NHSL2: variants seen among roughly 807,000 people sequenced by gnomAD.
NHSL2 encodes the protein NHS like 2, also known as NHS-like protein 2.
NHSL2 carries 27 observed loss-of-function variants against 53.4 expected under a neutral mutation model. The ratio of observed to expected loss-of-function variants is 0.51; its 90% CI spans 0.37 to 0.70. NHSL2 has a LOEUF of 0.70. Ranked by LOEUF, NHSL2 falls within the 30% of genes least tolerant of loss-of-function variation. NHSL2 has a pLI of 0.00. For missense variants in NHSL2, 892 were observed against 980.1 expected, an observed-to-expected ratio of 0.91 and a Z score of 1.20; for synonymous variants, 408 against 404.1, an observed-to-expected ratio of 1.01 and a Z score of -0.12.
chrX:71,963,314 T>G (rs1037634211), intron 1 of NHSL2, among the ~76,000 whole-genome samples: 3 of 110,630 alleles, frequency 2.7e-5, no homozygotes, highest in Non-Finnish European at 3.8e-5. Context: ...AAAATCAAAG[T>G]GCTATGATAG....
intron 4 of NHSL2, among the ~76,000 whole-genome samples, chrX:72,135,092 G>A (rs1236074586): frequency 8.9e-6 from 1 of 112,014 alleles, no homozygotes; most frequent in Non-Finnish European, 1.9e-5. Context: ...ACTGATAAGA[G>A]TCGGAGCAGG....
At chrX:72,051,071 G>A (rs2042337911) in intron 1 of NHSL2, among the ~76,000 whole-genome samples, 1 of 111,506 alleles carries the variant, frequency 9.0e-6, no homozygotes, top group Non-Finnish European at 1.9e-5. Context: ...TTTAAAATTT[G>A]TCATAAGTGC....
Position 72,139,850 on chromosome X carries a change from C to T in NHSL2, c.2302C>T (p.Arg768Trp), listed in dbSNP as rs781347828. ...TSPMEKFPKS[R>W]LSFDLPLTSS... ...ACCAATGGAGAAATTTCCCAAGTCA[C>T]GGCTATCATTTGACCTACCACTGAC... The change falls in exon 6 of 8, where the codon CGG becomes TGG. Residue 768 changes from arginine to tryptophan, a missense_variant. Transcript: ENST00000633930. The T allele has an allele frequency of 7.0e-5, 85 of 1,208,310 alleles. 1 individual carries two copies. The South Asian group carries it at 1.4e-3, about 20-fold the overall frequency.
intron 1 of NHSL2, among the ~76,000 whole-genome samples, chrX:71,939,909 A>C (rs1003080831): frequency 8.9e-6 from 1 of 112,053 alleles, no homozygotes; most frequent in Non-Finnish European, 1.9e-5. Flanking sequence ...TCTGTGGGAC[A>C]CTCAAGTGCA....
intron 1 of NHSL2, among the ~76,000 whole-genome samples, chrX:71,993,948 G>A (rs1384191711): frequency 2.7e-5 from 3 of 110,728 alleles, no homozygotes; most frequent in African/African-American, 9.8e-5. Context: ...TGTATCAAAT[G>A]TGAAAAGCAA....
intron 1 of NHSL2, among the ~76,000 whole-genome samples, chrX:71,938,833 G>T (rs1348403239): frequency 3.6e-5 from 4 of 112,606 alleles, no homozygotes; most frequent in African/African-American, 1.3e-4. Flanking sequence ...CCAGGCAGCT[G>T]GCCCCAGGAT....
chrX:71,955,000 C>G (rs986923887), intron 1 of NHSL2, among the ~76,000 whole-genome samples: 1 of 112,304 alleles, frequency 8.9e-6, no homozygotes, highest in African/African-American at 3.2e-5. Flanking sequence ...CTCAAGCAGC[C>G]TTTCCAGTCT....
At chrX:72,124,696 A>G (rs1450734228) in intron 1 of NHSL2, among the ~76,000 whole-genome samples, 1 of 111,304 alleles carries the variant, frequency 9.0e-6, no homozygotes, top group Admixed American at 9.5e-5. Flanking sequence ...TTCACAGTCA[A>G]ACTCGGCAAA....
At chrX:71,919,518 T>A (rs183838929) in intron 1 of NHSL2, among the ~76,000 whole-genome samples, 2 of 111,942 alleles carry the variant, frequency 1.8e-5, no homozygotes, top group Admixed American at 1.9e-4. Flanking sequence ...CAGCTATGAA[T>A]TGCAGCCATT....
intron 1 of NHSL2, among the ~76,000 whole-genome samples, chrX:72,093,703 C>T (rs2041915896): frequency 9.8e-6 from 1 of 101,986 alleles, no homozygotes; most frequent in South Asian, 4.5e-4. Flanking sequence ...GTGAATATTC[C>T]CCTAGTATAG....
chrX:72,094,017 G>C (rs1475766963), intron 1 of NHSL2, among the ~76,000 whole-genome samples: 1 of 111,149 alleles, frequency 9.0e-6, no homozygotes, highest in Non-Finnish European at 1.9e-5. Context: ...CCTGACCTCA[G>C]GTGATCCACC....
intron 1 of NHSL2, among the ~76,000 whole-genome samples, chrX:72,094,101 G>A (rs773221635): frequency 6.3e-5 from 7 of 111,596 alleles, no homozygotes; most frequent in African/African-American, 2.0e-4. Context: ...CTTTATGAAA[G>A]TGCAGTTACA....
chrX:72,119,609 C>A (rs1247162492), intron 1 of NHSL2, among the ~76,000 whole-genome samples: 1 of 112,583 alleles, frequency 8.9e-6, no homozygotes, highest in Non-Finnish European at 1.9e-5. Context: ...CATGGCCTTG[C>A]AACCATGTTG....
intron 1 of NHSL2, among the ~76,000 whole-genome samples, chrX:72,047,851 G>C (rs904787207): frequency 1.8e-5 from 2 of 110,743 alleles, no homozygotes; most frequent in African/African-American, 3.3e-5. Context: ...GGGAAGCCAA[G>C]AGTGTCAGGA....
chrX:72,145,432 A>G lies in NHSL2; in HGVS notation c.*1858A>G, dbSNP rs2042456935. 1 of 112,453 alleles carries G rather than the reference A, an allele frequency of 8.9e-6. No individual in the cohort carries two copies. Among genetic ancestry groups the G allele is most frequent in the Non-Finnish European group, 1.9e-5 (1 of 53,341 alleles). 9.3% of individuals were successfully genotyped at this position (112,453 alleles called of 1,213,427 possible). ...ACTCCCTTGCAACCAGCACTTCGAC[A>G]CTTAAAATAATAAAACAGCTAGGCT... On this transcript the variant is annotated 3_prime_UTR_variant, in exon 8 of 8. Transcript: ENST00000633930.
At chrX:71,989,864 A>T (rs910253757) in intron 1 of NHSL2, among the ~76,000 whole-genome samples, 6 of 112,042 alleles carry the variant, frequency 5.4e-5, no homozygotes, top group Non-Finnish European at 9.4e-5. Flanking sequence ...GCTTCTCTCT[A>T]CCTCGTGGCT....
At chrX:71,956,500 C>T (rs955238353) in intron 1 of NHSL2, among the ~76,000 whole-genome samples, 7 of 111,457 alleles carry the variant, frequency 6.3e-5, no homozygotes, top group African/African-American at 9.8e-5. Context: ...GCTAAGGTTT[C>T]CTGTCAGTCT....
chrX:72,040,013 A>G (rs144226248), intron 1 of NHSL2, among the ~76,000 whole-genome samples: 2,670 of 112,383 alleles, frequency 0.024, 91 homozygotes, highest in African/African-American at 0.082. Context: ...GAGATGAGGA[A>G]ACTGCCACCA....
At chrX:72,029,823 T>G (rs1220062451) in intron 1 of NHSL2, among the ~76,000 whole-genome samples, 3 of 112,566 alleles carry the variant, frequency 2.7e-5, no homozygotes, top group Non-Finnish European at 1.9e-5. Context: ...CCTTCCCATC[T>G]AGGGTGACTT....
Sources: gnomAD v4.1 joint callset for allele counts (sites outside exome capture counted in the v4.1 genomes callset) on GRCh38, gnomAD v4.1.1 for gene constraint, MANE v1.5 for transcripts, NCBI Gene and HGNC (gene_info 2026-07-23, HGNC 2026-07-21) for gene names.